Variants in LGR5 observed in about 807,000 individuals in gnomAD.
LGR5 encodes leucine-rich repeat-containing G protein-coupled receptor 5.
LGR5 carries 54 observed loss-of-function variants against 76.7 expected under a neutral mutation model. That is an observed-to-expected ratio of 0.70 (90% CI 0.57 to 0.88). The LOEUF is 0.88. Ranked by LOEUF, LGR5 falls within the 40% of genes least tolerant of loss-of-function variation. LGR5 has a pLI of 0.00. For missense variants in LGR5, 1,078 were observed against 1,073.3 expected (o/e 1.00, Z -0.06); for synonymous variants, 406 against 421.9 (o/e 0.96, Z 0.46).
At position 71,439,823 on chromosome 12, in the gene LGR5, A is replaced by T. The variant is rs1871664885; in HGVS notation, c.-258A>T. The T allele has an allele frequency of 2.1e-6, 1 of 482,080 alleles. No homozygotes were observed. The highest frequency in any genetic ancestry group is 3.6e-6 in the Non-Finnish European group (1 of 275,100). 29.9% of individuals were successfully genotyped at this position (482,080 alleles called of 1,614,324 possible). On this transcript the variant is annotated 5_prime_UTR_variant, in exon 1 of 18. Transcript: ENST00000266674. ...GCTCCACACCGCTCAGGCCGCGAGC[A>T]GCAGCAAGGCGCACCGCCACTGTCG...
chr12:71,447,270 A>G (rs904630092), intron 1 of LGR5, among the ~76,000 whole-genome samples: 2 of 152,224 alleles, frequency 1.3e-5, no homozygotes, highest in African/African-American at 4.8e-5. Flanking sequence ...TGTCAATTAG[A>G]AATCTGCATA....
At chr12:71,504,900 T>C (rs1331484410) in intron 2 of LGR5, among the ~76,000 whole-genome samples, 2 of 152,234 alleles carry the variant, frequency 1.3e-5, no homozygotes, top group Non-Finnish European at 2.9e-5. Context: ...ACCATAAGGC[T>C]ACAACTTTCT....
chr12:71,569,051 G>A, intron 11 of LGR5, among the ~76,000 whole-genome samples: 1 of 152,158 alleles, frequency 6.6e-6, no homozygotes, highest in East Asian at 1.9e-4. Flanking sequence ...GAAGTGCTTG[G>A]CAATGGGCAA....
rs1878927746 is a variant in LGR5, at chr12:71,577,908, G to A, written c.1209-17G>A. 1.9e-6 allele frequency: 3 copies of A among 1,564,266 alleles called. No individual in the cohort carries two copies. The African/African-American group carries it at 4.1e-5, about 21-fold the overall frequency. ...TTTATTCTATATAATTCTCTCATTT[G>A]CCTTTTTTTACAATAGGAATTTGGC... On this transcript the variant is annotated splice_polypyrimidine_tract_variant and intron_variant, in intron 13 of 17. Coordinates refer to ENST00000266674, the MANE Select transcript of LGR5 (RefSeq NM_003667.4).
intron 11 of LGR5, among the ~76,000 whole-genome samples, chr12:71,570,006 C>T (rs1371682685): frequency 6.6e-6 from 1 of 152,126 alleles, no homozygotes; most frequent in Non-Finnish European, 1.5e-5. Context: ...ATGTCCTTTG[C>T]AGGGACATGG....
chr12:71,487,256 C>T (rs1193903281), intron 1 of LGR5, among the ~76,000 whole-genome samples: 5 of 152,154 alleles, frequency 3.3e-5, no homozygotes, highest in Admixed American at 6.5e-5. Context: ...GTAACCCATG[C>T]ATACCATCAC....
chr12:71,476,146 A>G (rs1462384401), intron 1 of LGR5, among the ~76,000 whole-genome samples: 2 of 152,184 alleles, frequency 1.3e-5, no homozygotes, highest in African/African-American at 4.8e-5. Context: ...CACCAGTTCC[A>G]GTGGTTCGCT....
At chr12:71,513,417 G>C (rs185132313) in intron 2 of LGR5, among the ~76,000 whole-genome samples, 5 of 152,316 alleles carry the variant, frequency 3.3e-5, no homozygotes, top group Non-Finnish European at 5.9e-5. Context: ...GGTCAGGGTT[G>C]CTCCTGACCA....
At chr12:71,475,107 C>CA (rs893573709) in intron 1 of LGR5, among the ~76,000 whole-genome samples, 13 of 152,082 alleles carry the variant, frequency 8.5e-5, no homozygotes, top group African/African-American at 3.1e-4. Context: ...GTAAGTCTCC[C>CA]AAAAATGCAT....
At chr12:71,479,069 A>T (rs1418585444) in intron 1 of LGR5, among the ~76,000 whole-genome samples, 8 of 152,226 alleles carry the variant, frequency 5.3e-5, no homozygotes, top group African/African-American at 1.9e-4. Context: ...ATTTGATTTT[A>T]AAATACAATC....
At chr12:71,505,821 T>C (rs1229591319) in intron 2 of LGR5, among the ~76,000 whole-genome samples, 1 of 152,194 alleles carries the variant, frequency 6.6e-6, no homozygotes, top group Admixed American at 6.5e-5. Context: ...TAGGGAATCT[T>C]AGATTTCTAG....
At chr12:71,482,356 G>T (rs1443323464) in intron 1 of LGR5, among the ~76,000 whole-genome samples, 1 of 152,076 alleles carries the variant, frequency 6.6e-6, no homozygotes, top group Non-Finnish European at 1.5e-5. Context: ...GTGTTGGCAG[G>T]GTTAGTTTCC....
At chr12:71,484,048 T>A (rs1005535329) in intron 1 of LGR5, among the ~76,000 whole-genome samples, 2 of 152,170 alleles carry the variant, frequency 1.3e-5, no homozygotes, top group African/African-American at 2.4e-5. Flanking sequence ...AGGTAACTGG[T>A]CAGTTAATCA....
Position 71,548,848 on chromosome 12 carries a change from A to C in LGR5, c.429-4225A>C, listed in dbSNP as rs199773250. Among the ~76,000 whole-genome samples the C allele has an allele frequency of 3.0e-5, 4 of 132,064 alleles. No homozygotes were observed. In the East Asian group the frequency reaches 9.6e-4, roughly 32 times the overall value. The allele number at this position is 132,064 out of a possible 152,430, so 86.6% of individuals were successfully genotyped here. On this transcript the variant is annotated intron_variant, in intron 4 of 17. Coordinates refer to ENST00000266674, the MANE Select transcript of LGR5 (RefSeq NM_003667.4). ...CACACACACACACACACACACACAC[A>C]CCCTCTGTGACTTGCACAAAATGGA...
intron 1 of LGR5, among the ~76,000 whole-genome samples, chr12:71,478,676 G>A (rs1873447746): frequency 6.6e-6 from 1 of 152,130 alleles, no homozygotes; most frequent in Non-Finnish European, 1.5e-5. Flanking sequence ...ATGCACATCA[G>A]TATGCATAGG....
At chr12:71,537,022 C>A (rs1051927023) in intron 4 of LGR5, among the ~76,000 whole-genome samples, 1 of 152,164 alleles carries the variant, frequency 6.6e-6, no homozygotes, top group African/African-American at 2.4e-5. Context: ...CCAGTTCACA[C>A]TGGATTGTAT....
chr12:71,515,097 T>G (rs1389357911), intron 2 of LGR5, among the ~76,000 whole-genome samples: 3 of 152,318 alleles, frequency 2.0e-5, no homozygotes, highest in Non-Finnish European at 4.4e-5. Flanking sequence ...GTGGGCTCAG[T>G]CAATTGCTGC....
At chr12:71,526,286 CT>C (rs1249336164) in intron 3 of LGR5, among the ~76,000 whole-genome samples, 1 of 152,112 alleles carries the variant, frequency 6.6e-6, no homozygotes, top group Non-Finnish European at 1.5e-5. Flanking sequence ...TACAAAGAGG[CT>C]TTTTACCCAG....
chr12:71,517,731 T>C (rs1027733731), intron 2 of LGR5, among the ~76,000 whole-genome samples: 1 of 152,220 alleles, frequency 6.6e-6, no homozygotes, highest in African/African-American at 2.4e-5. Context: ...TCTATCATGG[T>C]CAACCAAACC....
Sources: allele counts gnomAD v4.1 joint callset (sites outside exome capture counted in the v4.1 genomes callset), GRCh38; gene constraint gnomAD v4.1.1; transcripts MANE v1.5; gene names NCBI Gene and HGNC (gene_info 2026-07-23, HGNC 2026-07-21).